Variants in CELF2 observed in about 807,000 individuals in gnomAD.
CELF2 encodes the protein CUGBP Elav-like family member 2, also known as CUG triplet repeat RNA-binding protein 2.
In CELF2, 8 loss-of-function variants were observed where a neutral mutation model predicts 62.6. That is an observed-to-expected ratio of 0.13 (90% CI 0.07 to 0.23). CELF2 has a LOEUF of 0.23. CELF2 is among the 10% of genes least tolerant of loss of function. The probability of loss-of-function intolerance (pLI) is 1.00; values close to 1 mark genes in which losing one functional copy is unlikely to be tolerated. For synonymous variants in CELF2, 258 were observed against 250.0 expected (o/e 1.03, Z -0.30); for missense variants, 333 against 671.0 (o/e 0.50, Z 5.56).
At chr10:10,978,044 T>TTG (rs1564299449) in intron 2 of CELF2, among the ~76,000 whole-genome samples, 114 of 151,396 alleles carry the variant, frequency 7.5e-4, no homozygotes, top group African/African-American at 2.7e-3. Flanking sequence ...GTTTTTTGTT[T>TTG]TTTTTTTTCC....
At chr10:11,263,044 T>C (rs751433045) in intron 5 of CELF2, among the ~76,000 whole-genome samples, 1 of 145,176 alleles carries the variant, frequency 6.9e-6, no homozygotes, top group Non-Finnish European at 1.5e-5. Flanking sequence ...AGTTAAGATA[T>C]CCTTTCAATT....
chr10:10,594,159 A>G, the CELF2 span, among the ~76,000 whole-genome samples: 1 of 152,208 alleles, frequency 6.6e-6, no homozygotes, highest in Non-Finnish European at 1.5e-5. Flanking sequence ...TTTTGAGTTT[A>G]GCATTGGCAA....
chr10:10,756,180 C>G, the CELF2 span, among the ~76,000 whole-genome samples: 2 of 152,130 alleles, frequency 1.3e-5, no homozygotes, highest in Admixed American at 6.6e-5. Context: ...AATAATGATA[C>G]TATTTCTTTC....
chr10:10,783,574 C>G, the CELF2 span, among the ~76,000 whole-genome samples: 1 of 152,212 alleles, frequency 6.6e-6, no homozygotes, highest in Admixed American at 6.5e-5. Flanking sequence ...GACTTTGTGA[C>G]AGTGACCCCA....
chr10:10,749,205 G>T, the CELF2 span, among the ~76,000 whole-genome samples: 4 of 152,168 alleles, frequency 2.6e-5, no homozygotes, highest in East Asian at 5.8e-4. Flanking sequence ...ACATATTGTT[G>T]TACTGTTATA....
At chr10:10,843,489 C>G (rs541150659) in intron 1 of CELF2, among the ~76,000 whole-genome samples, 1 of 152,024 alleles carries the variant, frequency 6.6e-6, no homozygotes, top group East Asian at 1.9e-4. Flanking sequence ...AGCTATCTTT[C>G]TGTTACTGAT....
intron 1 of CELF2, among the ~76,000 whole-genome samples, chr10:10,862,563 C>T (rs1438938916): frequency 6.6e-6 from 1 of 152,162 alleles, no homozygotes; most frequent in African/African-American, 2.4e-5. Context: ...ATTTTTGAGC[C>T]AGCCTCAGAA....
chr10:11,170,922 A>G (rs961279701), intron 2 of CELF2, among the ~76,000 whole-genome samples: 1 of 152,202 alleles, frequency 6.6e-6, no homozygotes, highest in African/African-American at 2.4e-5. Flanking sequence ...AGGTACTGTC[A>G]TTCTGATTTT....
intron 2 of CELF2, among the ~76,000 whole-genome samples, chr10:10,979,375 A>C (rs2051764309): frequency 6.6e-6 from 1 of 152,156 alleles, no homozygotes; most frequent in African/African-American, 2.4e-5. Context: ...AATTCTAATA[A>C]AAATTACATC....
chr10:10,691,113 G>T, the CELF2 span, among the ~76,000 whole-genome samples: 4 of 151,696 alleles, frequency 2.6e-5, no homozygotes, highest in Admixed American at 2.6e-4. Flanking sequence ...CCACTAACTC[G>T]TCATCTAGCA....
chr10:10,796,968 C>A, upstream of CELF2: 2 of 806,154 alleles, frequency 2.5e-6, no homozygotes, highest in Non-Finnish European at 3.0e-6. Flanking sequence ...TCATTCACAG[C>A]CATTAGGGAA....
intron 2 of CELF2, among the ~76,000 whole-genome samples, chr10:11,195,992 C>CT (rs780214918): frequency 4.0e-5 from 6 of 151,196 alleles, no homozygotes; most frequent in African/African-American, 7.3e-5. Flanking sequence ...TTTAAACCTC[C>CT]TTTGTCCACG....
the CELF2 span, among the ~76,000 whole-genome samples, chr10:10,649,844 C>A: frequency 6.6e-6 from 1 of 152,178 alleles, no homozygotes; most frequent in Non-Finnish European, 1.5e-5. Context: ...CAGAGTGATG[C>A]CTGAGAGGCT....
the CELF2 span, among the ~76,000 whole-genome samples, chr10:10,705,019 T>C: frequency 6.6e-6 from 1 of 151,504 alleles, no homozygotes; most frequent in Admixed American, 6.6e-5. Flanking sequence ...CGAGACCTGG[T>C]CTGTGCAGAA....
At chr10:10,922,022 T>A (rs192538041) in intron 2 of CELF2, among the ~76,000 whole-genome samples, 3 of 152,254 alleles carry the variant, frequency 2.0e-5, no homozygotes, top group African/African-American at 7.2e-5. Context: ...CAGGGGAAAG[T>A]ACAAATTGTT....
chr10:10,960,259 G>A (rs944270790), intron 2 of CELF2: 9 of 152,186 alleles, frequency 5.9e-5, no homozygotes, highest in African/African-American at 2.2e-4. Flanking sequence ...CACCCTTGTG[G>A]CAGGAAAAGT....
chr10:10,532,971 C>A, the CELF2 span, among the ~76,000 whole-genome samples: 1 of 151,362 alleles, frequency 6.6e-6, no homozygotes, highest in Non-Finnish European at 1.5e-5. Context: ...TGGGAATTTT[C>A]ATGAACTTAG....
intron 8 of CELF2, among the ~76,000 whole-genome samples, chr10:11,278,814 A>G (rs935571812): frequency 3.9e-5 from 6 of 152,170 alleles, no homozygotes; most frequent in Non-Finnish European, 7.3e-5. Context: ...TATCACAACA[A>G]CCTGATGAAG....
At chr10:11,127,967 C>A (rs900204168) in intron 1 of CELF2, among the ~76,000 whole-genome samples, 3 of 152,146 alleles carry the variant, frequency 2.0e-5, no homozygotes, top group African/African-American at 7.2e-5. Flanking sequence ...ATGCCTATAT[C>A]CTGAATGTAT....
Sources: allele counts gnomAD v4.1 joint callset (sites outside exome capture counted in the v4.1 genomes callset), GRCh38; gene constraint gnomAD v4.1.1; transcripts MANE v1.5; gene names NCBI Gene and HGNC (gene_info 2026-07-23, HGNC 2026-07-21).